The following GARNL3 variants were observed in gnomAD, a reference collection of about 807,000 sequenced individuals.
The protein encoded by GARNL3 is GTPase-activating Rap/Ran-GAP domain-like protein 3.
GARNL3 carries 63 observed loss-of-function variants against 125.0 expected under a neutral mutation model. That is an observed-to-expected ratio of 0.50 (90% CI 0.41 to 0.62). The LOEUF (loss-of-function observed/expected upper bound fraction) is 0.62. Among genes scored for constraint, GARNL3 ranks in the 20% least tolerant of loss-of-function variants. The pLI is 0.00. For synonymous variants in GARNL3, 439 were observed against 457.5 expected, an observed-to-expected ratio of 0.96 and a Z score of 0.52; for missense variants, 994 against 1,244.0, an observed-to-expected ratio of 0.80 and a Z score of 3.02.
At chr9:127,391,700 C>CA (rs11357196) in intron 27 of GARNL3, among the ~76,000 whole-genome samples, 4,202 of 76,738 alleles carry the variant, frequency 0.055, 177 homozygotes, top group African/African-American at 0.15. Context: ...GACCCCGTGT[C>CA]AAAAAAAAAA....
Position 127,285,897 on chromosome 9 carries a change from T to C in GARNL3, c.145-5271T>C, listed in dbSNP as rs186296074. On this transcript the variant is annotated intron_variant, in intron 1 of 27. Transcript: ENST00000373387. ...GCTTTATTGTATTTAATATATTTCA[T>C]TTATGTTACCGATCAAGTCTTTTTT... Among the ~76,000 whole-genome samples, 8 of 152,334 alleles carry C rather than the reference T, an allele frequency of 5.3e-5. 1 individual carries two copies. In the East Asian group the frequency reaches 1.5e-3, roughly 29 times the overall value.
chr9:127,372,207 G>A (rs1429404138), intron 22 of GARNL3, among the ~76,000 whole-genome samples: 7 of 152,124 alleles, frequency 4.6e-5, no homozygotes, highest in Admixed American at 4.6e-4. Flanking sequence ...CAATATGTCA[G>A]GTATTGTTTT....
intron 16 of GARNL3, among the ~76,000 whole-genome samples, chr9:127,346,818 G>T (rs763953742): frequency 2.0e-5 from 3 of 152,124 alleles, no homozygotes; most frequent in Admixed American, 6.5e-5. Context: ...ACCCGGCTTT[G>T]CCCACCTCTT....
At chr9:127,388,139 C>T (rs994263555) in intron 25 of GARNL3, among the ~76,000 whole-genome samples, 2 of 151,704 alleles carry the variant, frequency 1.3e-5, no homozygotes, top group African/African-American at 4.8e-5. Flanking sequence ...GAGTGAGAGA[C>T]CCTGTCTCTA....
intron 2 of GARNL3, among the ~76,000 whole-genome samples, chr9:127,299,105 A>C (rs1022544118): frequency 2.6e-5 from 4 of 152,094 alleles, no homozygotes; most frequent in Admixed American, 2.6e-4. Flanking sequence ...TCACGAGGCC[A>C]GGAGACTGAG....
At chr9:127,295,828 G>C (rs772975350) in intron 2 of GARNL3, among the ~76,000 whole-genome samples, 10 of 152,110 alleles carry the variant, frequency 6.6e-5, no homozygotes, top group Non-Finnish European at 1.5e-4. Context: ...CCACGGACCA[G>C]GCAGTGGGAG....
intron 2 of GARNL3, among the ~76,000 whole-genome samples, chr9:127,306,726 CAAA>C (rs544849770): frequency 1.9e-5 from 2 of 103,760 alleles, no homozygotes; most frequent in East Asian, 2.6e-4. Context: ...AATTCTGTCT[CAAA>C]AAAAAAAAAA....
chr9:127,231,221 ATTTTTTG>A lies in GARNL3; in HGVS notation c.-29+6890_-29+6896del, dbSNP rs376720698. ...AGGCGCCCGCCACCACGCCCAGCTAATTTTTTGTTTTTTTTTTTTTTTTTGTATTTTT... is the reference window on the plus strand; with the variant it reads ...AGGCGCCCGCCACCACGCCCAGCTAATTTTTTTTTTTTTTTTTGTATTTTT... On this transcript the variant is annotated intron_variant, in intron 1 of 10. Coordinates refer to the GARNL3 transcript ENST00000439286. 3.8e-4 allele frequency among the ~76,000 whole-genome samples: 25 copies of A among 66,078 alleles called. 1 individual carries two copies. Among genetic ancestry groups the A allele is most frequent in the African/African-American group, 1.3e-3 (24 of 18,254 alleles). The allele number at this position is 66,078 out of a possible 152,430, so 43.3% of individuals were successfully genotyped here.
rs1564886125 is a variant in GARNL3, at chr9:127,291,261, T to A, written c.219+19T>A. ...AGATGAGGTAAGGAAGCCTCCCCAC[T>A]TCCTGTAATGCCACCAAGCACATGA... is the stretch of plus-strand genomic sequence containing the variant. On this transcript the variant is annotated intron_variant, in intron 2 of 27. Transcript: ENST00000373387. 1 of 1,603,778 alleles carries A rather than the reference T, an allele frequency of 6.2e-7. No individual in the cohort carries two copies. The highest frequency in any genetic ancestry group is 8.5e-7 in the Non-Finnish European group (1 of 1,170,744).
chr9:127,378,587 C>CAAA (rs60768775), intron 22 of GARNL3, among the ~76,000 whole-genome samples: 1 of 104,084 alleles, frequency 9.6e-6, no homozygotes, highest in Non-Finnish European at 2.0e-5. Flanking sequence ...AACTCCGTCA[C>CAAA]AAAAAAAAAA....
chr9:127,225,380 G>T (rs1218859926), intron 1 of GARNL3: 2 of 984,922 alleles, frequency 2.0e-6, no homozygotes, highest in Non-Finnish European at 2.4e-6. Context: ...TGCGGCGCAG[G>T]GGGTGCAGCT....
At chr9:127,389,635 A>T (rs1426723441) in intron 26 of GARNL3, among the ~76,000 whole-genome samples, 2 of 152,174 alleles carry the variant, frequency 1.3e-5, no homozygotes, top group Non-Finnish European at 2.9e-5. Flanking sequence ...TTCTCTCAGT[A>T]TAACTATGGG....
At chr9:127,305,842 C>T (rs568933465) in intron 2 of GARNL3, among the ~76,000 whole-genome samples, 2 of 152,262 alleles carry the variant, frequency 1.3e-5, no homozygotes, top group East Asian at 3.9e-4. Flanking sequence ...TCAAATAATC[C>T]TCCCAACTCG....
chr9:127,270,167 G>A (rs2063791791), intron 1 of GARNL3, among the ~76,000 whole-genome samples: 1 of 152,134 alleles, frequency 6.6e-6, no homozygotes. Context: ...CCCAGCACCA[G>A]TGGTTGAAAA....
rs1347338192 is a variant in GARNL3 at position 127,231,063 on chromosome 9, T to A, written c.-29+6725T>A. ...ATATATATATATATTTTTTTTTTTTTTTTTTTTTTGAGACAGAGTCTAGCT... is the reference window on the plus strand; with the variant it reads ...ATATATATATATATTTTTTTTTTTTATTTTTTTTTGAGACAGAGTCTAGCT... On this transcript the variant is annotated intron_variant, in intron 1 of 10. Transcript: ENST00000439286. Among the ~76,000 whole-genome samples the A allele has an allele frequency of 1.9e-3, 244 of 130,268 alleles. 1 individual carries two copies. Among genetic ancestry groups the A allele is most frequent in the Middle Eastern group, 0.012 (3 of 260 alleles). The allele number at this position is 130,268 out of a possible 152,430, so 85.5% of individuals were successfully genotyped here.
At chr9:127,241,936 TTTGTTGTTG>T (rs148526680) in intron 1 of GARNL3, among the ~76,000 whole-genome samples, 87 of 150,370 alleles carry the variant, frequency 5.8e-4, no homozygotes, top group South Asian at 8.6e-4. Flanking sequence ...CCCGGCCTGG[TTTGTTGTTG>T]TTGTTGTTGT....
At position 127,231,050 on chromosome 9, in the gene GARNL3, A is replaced by ATATATATTT. The variant is rs1161629810; in HGVS notation, c.-29+6713_-29+6714insATATATTTT. Reference sequence around the variant, plus strand: ...TGTATATATACATATATATATATATATTTTTTTTTTTTTTTTTTTTTTGAG... The same window carrying ATATATATTT: ...TGTATATATACATATATATATATATATATATATTTTTTTTTTTTTTTTTTTTTTTTTGAG... On this transcript the variant is annotated intron_variant, in intron 1 of 10. Transcript: ENST00000439286. Among the ~76,000 whole-genome samples the ATATATATTT allele has an allele frequency of 9.4e-4, 84 of 89,548 alleles. 2 individuals carry two copies. The highest frequency in any genetic ancestry group is 6.1e-3 in the African/African-American group (77 of 12,594). 58.7% of individuals were successfully genotyped at this position (89,548 alleles called of 152,430 possible). A position where few individuals can be genotyped will look rare whatever the true frequency, so the allele number is the denominator to read the frequency against.
chr9:127,353,195 C>T (rs565339383), intron 17 of GARNL3, among the ~76,000 whole-genome samples: 3 of 152,156 alleles, frequency 2.0e-5, no homozygotes, highest in Admixed American at 6.5e-5. Context: ...CACTTCAGTT[C>T]GTTTTTCCTG....
At chr9:127,300,692 T>G in intron 2 of GARNL3, 1 of 300,084 alleles carries the variant, frequency 3.3e-6, no homozygotes, top group Non-Finnish European at 6.3e-6. Context: ...TGACCTCAAG[T>G]GATCTGTCCC....
Sources: gnomAD v4.1 joint callset for allele counts (sites outside exome capture counted in the v4.1 genomes callset) on GRCh38, gnomAD v4.1.1 for gene constraint, MANE v1.5 for transcripts, NCBI Gene and HGNC (gene_info 2026-07-23, HGNC 2026-07-21) for gene names.